NEO1: variants seen among roughly 807,000 people sequenced by gnomAD.
NEO1 encodes the protein neogenin 1.
A neutral mutation model predicts 159.7 loss-of-function variants in NEO1; 63 were observed. The observed-to-expected ratio is 0.39, with a 90% CI of 0.32 to 0.49. NEO1 has a LOEUF of 0.49. Ranked by LOEUF, NEO1 falls within the 20% of genes least tolerant of loss-of-function variation. NEO1 has a pLI of 0.85. For synonymous variants in NEO1, 633 were observed against 662.0 expected, an observed-to-expected ratio of 0.96 and a Z score of 0.67; for missense variants, 1,615 against 1,831.0, an observed-to-expected ratio of 0.88 and a Z score of 2.15.
intron 8 of NEO1, among the ~76,000 whole-genome samples, chr15:73,241,777 C>T (rs1272310713): frequency 6.6e-6 from 1 of 152,156 alleles, no homozygotes; most frequent in Non-Finnish European, 1.5e-5. Context: ...TTTTTCTGCA[C>T]AGTAACTTGT....
intron 2 of NEO1, 120 bp from the exon 3 acceptor site, chr15:73,122,405 C>G: frequency 1.1e-6 from 1 of 887,822 alleles, no homozygotes; most frequent in South Asian, 2.0e-5. Context: ...GGACTTTCTT[C>G]TCAACCCTGG....
intron 1 of NEO1, among the ~76,000 whole-genome samples, chr15:73,086,931 C>T (rs1447035260): frequency 1.3e-5 from 2 of 152,070 alleles, no homozygotes; most frequent in Non-Finnish European, 2.9e-5. Context: ...GCTGGGATTA[C>T]ATGCGTGAGC....
At chr15:73,207,342 T>C (rs2037297953) in intron 7 of NEO1, among the ~76,000 whole-genome samples, 1 of 152,210 alleles carries the variant, frequency 6.6e-6, no homozygotes, top group African/African-American at 2.4e-5. Flanking sequence ...ACAGCTAATA[T>C]ATCTGTTGGA....
chr15:73,189,690 TG>T (rs2036134937), intron 7 of NEO1, among the ~76,000 whole-genome samples: 1 of 152,252 alleles, frequency 6.6e-6, no homozygotes, highest in Admixed American at 6.5e-5. Flanking sequence ...GAAGCTGCGT[TG>T]GAGCGTCCAC....
chr15:73,193,017 C>A (rs1035364490), intron 7 of NEO1, among the ~76,000 whole-genome samples: 4 of 151,726 alleles, frequency 2.6e-5, no homozygotes, highest in African/African-American at 7.3e-5. Flanking sequence ...GTTTTTATTT[C>A]TTGAAACAAA....
intron 8 of NEO1, among the ~76,000 whole-genome samples, chr15:73,240,271 A>C (rs2039425905): frequency 6.6e-6 from 1 of 152,138 alleles, no homozygotes; most frequent in African/African-American, 2.4e-5. Context: ...TTTAAATTTT[A>C]TGATAGATTG....
Position 73,116,844 on chromosome 15 carries a change from G to T in NEO1, c.435G>T (p.Lys145Asn). ...GAACTATTATCAGTAGAACAGCGAAGCTCATAGTAGCAGGTAAGTTTTAAG... is the reference window on the plus strand; with the variant it reads ...GAACTATTATCAGTAGAACAGCGAATCTCATAGTAGCAGGTAAGTTTTAAG... ...SLGTIISRTA[K>N]LIVAGLPRFT... The change falls in exon 2 of 29, where the codon AAG (lysine) becomes AAT (asparagine). Residue 145 changes from lysine to asparagine, a missense_variant. Around this residue, in one of 3 missense-constraint regions of NEO1, gnomAD observed 1,018 missense variants for 1,115.4 expected, o/e 0.91. Transcript: ENST00000261908. 6.5e-7 allele frequency: 1 copy of T among 1,536,882 alleles called. No individual in the cohort carries two copies.
chr15:73,254,913 T>C, intron 13 of NEO1, 84 bp downstream of exon 13: 1 of 1,412,572 alleles, frequency 7.1e-7, no homozygotes. Flanking sequence ...TGCTCTGAAC[T>C]GTCGACTTAT....
At chr15:73,062,392 G>A (rs1203537917) in intron 1 of NEO1, among the ~76,000 whole-genome samples, 1 of 151,886 alleles carries the variant, frequency 6.6e-6, no homozygotes, top group Admixed American at 6.6e-5. Context: ...TAGATAATAC[G>A]TAATTAAGAA....
At chr15:73,283,379 C>T (rs1453148507) in intron 23 of NEO1, among the ~76,000 whole-genome samples, 1 of 152,224 alleles carries the variant, frequency 6.6e-6, no homozygotes, top group Non-Finnish European at 1.5e-5. Context: ...TATTCAGAGG[C>T]TAGCAGCTAT....
intron 28 of NEO1, among the ~76,000 whole-genome samples, 184 bp from the exon 29 acceptor site, chr15:73,302,429 G>A (rs371132497): frequency 1.3e-5 from 2 of 152,110 alleles, no homozygotes; most frequent in East Asian, 1.9e-4. Context: ...ATCAGGAAAC[G>A]GGATCCTAGT....
At chr15:73,287,273 AG>A (rs1461962417) in intron 23 of NEO1, among the ~76,000 whole-genome samples, 1 of 152,206 alleles carries the variant, frequency 6.6e-6, no homozygotes, top group Non-Finnish European at 1.5e-5. Flanking sequence ...TTTAGGTCTT[AG>A]CTTAAATGTC....
intron 1 of NEO1, among the ~76,000 whole-genome samples, chr15:73,095,995 T>G (rs1253953288): frequency 1.3e-5 from 2 of 152,082 alleles, no homozygotes; most frequent in African/African-American, 2.4e-5. Flanking sequence ...TGGTGAAGCT[T>G]GGGTGGAAGA....
At chr15:73,094,409 A>G (rs1034927452) in intron 1 of NEO1, among the ~76,000 whole-genome samples, 2 of 152,160 alleles carry the variant, frequency 1.3e-5, no homozygotes, top group Non-Finnish European at 2.9e-5. Flanking sequence ...ATTCCTTTTT[A>G]TGGCCAAATA....
intron 1 of NEO1, among the ~76,000 whole-genome samples, chr15:73,056,949 A>G (rs539807721): frequency 6.6e-6 from 1 of 152,348 alleles, no homozygotes; most frequent in African/African-American, 2.4e-5. Flanking sequence ...AAGATAAGAA[A>G]TATGACTGAT....
At chr15:73,257,532 G>A (rs2040428612) in intron 13 of NEO1, among the ~76,000 whole-genome samples, 1 of 152,172 alleles carries the variant, frequency 6.6e-6, no homozygotes, top group Admixed American at 6.5e-5. Flanking sequence ...AGCCTGATAA[G>A]TATTAGGGAG....
intron 21 of NEO1, 41 bp from the exon 22 acceptor site, chr15:73,278,090 A>C: frequency 6.4e-7 from 1 of 1,572,350 alleles, no homozygotes; most frequent in South Asian, 1.1e-5. Context: ...TGTCACGCCA[A>C]ATGTGTGGGG....
rs530089211 is a variant in NEO1 at position 73,083,936 on chromosome 15, T to A, written c.130+31131T>A. Among the ~76,000 whole-genome samples, 117 of 152,286 alleles carry A rather than the reference T, an allele frequency of 7.7e-4. 1 individual carries two copies. The highest frequency in any genetic ancestry group is 2.7e-3 in the African/African-American group (113 of 41,572). ...TCCCAAAACACTGGGATTACAGGCA[T>A]GAGGCACTATGCCTGGCCTGTTTTT... On this transcript the variant is annotated intron_variant, in intron 1 of 28. Coordinates refer to ENST00000261908, the MANE Select transcript of NEO1 (RefSeq NM_002499.4).
chr15:73,082,184 A>G (rs1443801177), intron 1 of NEO1, among the ~76,000 whole-genome samples: 1 of 152,178 alleles, frequency 6.6e-6, no homozygotes, highest in Non-Finnish European at 1.5e-5. Context: ...TAAATACTTG[A>G]TAAGAATTTA....
Sources: allele counts gnomAD v4.1 joint callset (sites outside exome capture counted in the v4.1 genomes callset), GRCh38; gene constraint gnomAD v4.1.1; regional missense constraint gnomAD v4.1.1; transcripts MANE v1.5; gene names NCBI Gene and HGNC (gene_info 2026-07-23, HGNC 2026-07-21).